The following KLHL1 variants were observed in gnomAD, a reference collection of about 807,000 sequenced individuals.
The protein encoded by KLHL1 is kelch-like protein 1.
A neutral mutation model predicts 77.7 loss-of-function variants in KLHL1; 47 were observed. The ratio of observed to expected loss-of-function variants is 0.60; its 90% CI spans 0.48 to 0.77. KLHL1 has a LOEUF of 0.77. KLHL1 is among the 30% of genes least tolerant of loss of function. KLHL1 has a pLI of 0.00. For synonymous variants in KLHL1, 360 were observed against 325.2 expected (o/e 1.11, Z -1.15); for missense variants, 925 against 910.8 (o/e 1.02, Z -0.20).
chr13:69,798,172 T>C (rs1454212209), intron 6 of KLHL1, among the ~76,000 whole-genome samples: 4 of 152,188 alleles, frequency 2.6e-5, no homozygotes, highest in Non-Finnish European at 5.9e-5. Context: ...TCACCAATGT[T>C]ATACCTTCAA....
intron 7 of KLHL1, 100 bp downstream of exon 7, chr13:69,796,638 C>T (rs1877118166): frequency 3.2e-6 from 3 of 924,452 alleles, no homozygotes; most frequent in East Asian, 5.3e-5. Context: ...TTTATCGCAA[C>T]ACAAATTTAC....
chr13:69,978,981 TG>T (rs988837552), intron 1 of KLHL1, among the ~76,000 whole-genome samples: 1 of 151,618 alleles, frequency 6.6e-6, no homozygotes, highest in Non-Finnish European at 1.5e-5. Flanking sequence ...TTTGGGGGGC[TG>T]GGGGTCATAG....
At chr13:70,075,858 T>C (rs1204390732) in intron 1 of KLHL1, among the ~76,000 whole-genome samples, 2 of 149,658 alleles carry the variant, frequency 1.3e-5, no homozygotes, top group African/African-American at 4.9e-5. Context: ...CAGTGAACAA[T>C]TGTAATTATA....
chr13:69,930,260 C>T (rs1330406523), intron 4 of KLHL1, among the ~76,000 whole-genome samples: 1 of 151,812 alleles, frequency 6.6e-6, no homozygotes, highest in Non-Finnish European at 1.5e-5. Context: ...AAAGAAAGTG[C>T]ATCCATTTAC....
chr13:69,703,448 G>GC (rs1875490511), intron 10 of KLHL1, among the ~76,000 whole-genome samples: 1 of 141,192 alleles, frequency 7.1e-6, no homozygotes, highest in African/African-American at 2.6e-5. Context: ...AGTTTAAAAA[G>GC]TAAAAAAAAA....
At chr13:69,968,446 C>T (rs1015417154) in intron 2 of KLHL1, among the ~76,000 whole-genome samples, 1 of 148,734 alleles carries the variant, frequency 6.7e-6, no homozygotes, top group African/African-American at 2.5e-5. Flanking sequence ...GTCTAGAATC[C>T]AACCTGCAAT....
chr13:69,953,663 G>A (rs1284926029), intron 3 of KLHL1, among the ~76,000 whole-genome samples: 1 of 150,988 alleles, frequency 6.6e-6, no homozygotes, highest in Non-Finnish European at 1.5e-5. Flanking sequence ...ACACAAGGTA[G>A]CAAAATTACA....
At chr13:69,796,995 T>G in intron 6 of KLHL1, 33 bp from the exon 7 acceptor site, 3 of 1,559,188 alleles carry the variant, frequency 1.9e-6, no homozygotes, top group Non-Finnish European at 2.7e-6. Flanking sequence ...AGTCACCAAT[T>G]GCTATAAATT....
chr13:69,872,531 A>G (rs1880622943), intron 5 of KLHL1, among the ~76,000 whole-genome samples: 1 of 151,990 alleles, frequency 6.6e-6, no homozygotes, highest in Non-Finnish European at 1.5e-5. Context: ...GTGATGACTC[A>G]CTGTGTCTGT....
chr13:69,861,589 T>C (rs1297301083), intron 5 of KLHL1, among the ~76,000 whole-genome samples: 1 of 151,794 alleles, frequency 6.6e-6, no homozygotes, highest in Non-Finnish European at 1.5e-5. Context: ...TATGCAATGT[T>C]TTACAAACAA....
intron 1 of KLHL1, among the ~76,000 whole-genome samples, chr13:69,989,478 T>G (rs1023204115): frequency 6.6e-6 from 1 of 151,998 alleles, no homozygotes; most frequent in African/African-American, 2.4e-5. Flanking sequence ...TGAGAATTAG[T>G]TTTTTTAGTT....
At chr13:69,875,668 AAC>A (rs1180569923) in intron 5 of KLHL1, among the ~76,000 whole-genome samples, 2 of 152,128 alleles carry the variant, frequency 1.3e-5, no homozygotes, top group African/African-American at 2.4e-5. Context: ...TTGCTAACAA[AAC>A]ACTTTGTCTT....
At chr13:69,986,044 C>T (rs1282390376) in intron 1 of KLHL1, among the ~76,000 whole-genome samples, 1 of 151,206 alleles carries the variant, frequency 6.6e-6, no homozygotes, top group Non-Finnish European at 1.5e-5. Flanking sequence ...TTCATACCCT[C>T]CAGGATATTA....
At chr13:69,986,169 A>C in intron 1 of KLHL1, among the ~76,000 whole-genome samples, 1 of 151,962 alleles carries the variant, frequency 6.6e-6, no homozygotes, top group South Asian at 2.1e-4. Flanking sequence ...TGGTTACCAG[A>C]GGCTGAGGAG....
chr13:70,095,325 T>C (rs552440959), intron 1 of KLHL1, among the ~76,000 whole-genome samples: 3 of 152,296 alleles, frequency 2.0e-5, no homozygotes, highest in Non-Finnish European at 4.4e-5. Flanking sequence ...TTGTTCTATT[T>C]AGATCCTTAG....
intron 1 of KLHL1, among the ~76,000 whole-genome samples, chr13:70,068,886 T>C (rs1887075630): frequency 6.6e-6 from 1 of 152,160 alleles, no homozygotes; most frequent in Non-Finnish European, 1.5e-5. Flanking sequence ...TCCTGAGTTT[T>C]ACCTCCAGGA....
intron 4 of KLHL1, chr13:69,895,162 G>T (rs1243936984): frequency 2.1e-6 from 1 of 471,736 alleles, no homozygotes; most frequent in Admixed American, 2.5e-5. Flanking sequence ...TGAGAAGGTA[G>T]TCTTTAATTC....
At chr13:69,811,411 T>C (rs1877874394) in intron 6 of KLHL1, among the ~76,000 whole-genome samples, 1 of 151,392 alleles carries the variant, frequency 6.6e-6, no homozygotes, top group Non-Finnish European at 1.5e-5. Context: ...AAAAAAAGCA[T>C]TAGATAAAAT....
At chr13:69,981,879 T>C (rs1433876065) in intron 1 of KLHL1, among the ~76,000 whole-genome samples, 1 of 151,924 alleles carries the variant, frequency 6.6e-6, no homozygotes, top group Non-Finnish European at 1.5e-5. Flanking sequence ...GTAATTATGA[T>C]AGATAAACCA....
Sources: allele counts gnomAD v4.1 joint callset (sites outside exome capture counted in the v4.1 genomes callset), GRCh38; gene constraint gnomAD v4.1.1; transcripts MANE v1.5; gene names NCBI Gene and HGNC (gene_info 2026-07-23, HGNC 2026-07-21).